The following DNAH7 variants were observed in gnomAD, a reference collection of about 807,000 sequenced individuals.
DNAH7 encodes the protein dynein axonemal heavy chain 7.
Under a neutral mutation model 444.6 loss-of-function variants are expected in DNAH7, and 397 were observed. The ratio of observed to expected loss-of-function variants is 0.89; its 90% CI spans 0.82 to 0.97. The LOEUF is 0.97. Ranked by LOEUF, DNAH7 falls within the 50% of genes least tolerant of loss-of-function variation. The pLI, the probability that DNAH7 is intolerant of heterozygous loss-of-function variation, is 0.00. For missense variants in DNAH7, 4,902 were observed against 4,800.8 expected (o/e 1.02, Z -0.62); for synonymous variants, 1,636 against 1,624.4 (o/e 1.01, Z -0.17).
At chr2:195,769,006 AAG>A (rs1464907885) in intron 61 of DNAH7, among the ~76,000 whole-genome samples, 1 of 152,182 alleles carries the variant, frequency 6.6e-6, no homozygotes, top group Non-Finnish European at 1.5e-5. Flanking sequence ...ATATTGGAAA[AAG>A]AAATGAGTTT....
intron 18 of DNAH7, among the ~76,000 whole-genome samples, chr2:195,959,231 GTC>G (rs1056380929): frequency 2.0e-5 from 3 of 152,106 alleles, no homozygotes; most frequent in African/African-American, 7.2e-5. Flanking sequence ...ATTTTCAGAT[GTC>G]TTTCTAAAAT....
intron 17 of DNAH7, among the ~76,000 whole-genome samples, chr2:195,961,688 T>C (rs915144492): frequency 2.6e-5 from 4 of 152,208 alleles, no homozygotes; most frequent in African/African-American, 9.6e-5. Context: ...CATTTACATA[T>C]ATAAAGAAAG....
intron 30 of DNAH7, chr2:195,893,387 A>G (rs932339308): frequency 6.6e-6 from 1 of 152,292 alleles, no homozygotes. Context: ...GGCAGCCGAC[A>G]CCACGCCTGG....
At chr2:195,818,951 A>G (rs1697345619) in intron 49 of DNAH7, among the ~76,000 whole-genome samples, 1 of 152,140 alleles carries the variant, frequency 6.6e-6, no homozygotes, top group Admixed American at 6.5e-5. Context: ...TTATGGATAC[A>G]TAACAGTTGT....
In DNAH7 at chr2:195,757,314, A is replaced by G. The variant is rs984921759; in HGVS notation, c.11434-1029T>C. On this transcript the variant is annotated intron_variant, in intron 61 of 64. Transcript: ENST00000312428. ...AGAAAAATTACATAAAATGCTTTGAAAAGTTAAAATGTCCTGGAATTGAAT... is the reference window on the plus strand; with the variant it reads ...AGAAAAATTACATAAAATGCTTTGAGAAGTTAAAATGTCCTGGAATTGAAT... 4.5e-4 allele frequency among the ~76,000 whole-genome samples: 69 copies of G among 152,218 alleles called. 1 individual carries two copies. The highest frequency in any genetic ancestry group is 4.6e-4 in the Admixed American group (7 of 15,276).
chr2:196,049,589 T>C (rs1005718687), intron 3 of DNAH7, among the ~76,000 whole-genome samples: 1 of 152,236 alleles, frequency 6.6e-6, no homozygotes, highest in African/African-American at 2.4e-5. Flanking sequence ...CAAATAAAAG[T>C]AGTTTTAAAA....
At chr2:195,891,929 C>T in intron 30 of DNAH7, 125 bp from the exon 31 acceptor site, 1 of 701,874 alleles carries the variant, frequency 1.4e-6, no homozygotes, top group Non-Finnish European at 2.2e-6. Context: ...GTGAATTTGA[C>T]AAGGTCCCAG....
At chr2:195,771,917 A>G in intron 60 of DNAH7, 27 bp from the exon 61 acceptor site, 1 of 1,598,472 alleles carries the variant, frequency 6.3e-7, no homozygotes. Flanking sequence ...CTATAACTCA[A>G]AAATCCTCAT....
chr2:195,875,590 A>G lies in DNAH7; in HGVS notation c.6286+85T>C, dbSNP rs1056797591. On this transcript the variant is annotated intron_variant, in intron 38 of 64. Transcript: ENST00000312428. ...ACATATACACAAAACACTGCAACTCAAAAGAGGATTTTTTTCCAGTTATTT... is the reference window on the plus strand; with the variant it reads ...ACATATACACAAAACACTGCAACTCGAAAGAGGATTTTTTTCCAGTTATTT... The G allele has an allele frequency of 2.3e-5, 31 of 1,334,730 alleles. No homozygotes were observed. In the African/African-American group the frequency reaches 4.4e-4, roughly 19 times the overall value. 82.7% of individuals were successfully genotyped at this position (1,334,730 alleles called of 1,614,324 possible). A position where few individuals can be genotyped will look rare whatever the true frequency, so the allele number is the denominator to read the frequency against.
At chr2:195,989,964 T>C (rs765158035) in intron 12 of DNAH7, among the ~76,000 whole-genome samples, 58 of 152,218 alleles carry the variant, frequency 3.8e-4, no homozygotes, top group Non-Finnish European at 6.6e-4. Flanking sequence ...GTCTCAGGTA[T>C]CTCTTTATAG....
At chr2:195,835,299 A>AC (rs1698291103) in intron 47 of DNAH7, among the ~76,000 whole-genome samples, 1 of 151,814 alleles carries the variant, frequency 6.6e-6, no homozygotes, top group South Asian at 2.1e-4. Flanking sequence ...GTAAAAAAAA[A>AC]CCCACAAAAA....
chr2:195,954,878 T>G (rs1272775564), intron 19 of DNAH7, among the ~76,000 whole-genome samples: 3 of 152,196 alleles, frequency 2.0e-5, no homozygotes, highest in South Asian at 2.1e-4. Context: ...TGGGGTTGTT[T>G]TTTTCTTGTA....
At chr2:195,882,438 T>C (rs1226694841) in intron 35 of DNAH7, among the ~76,000 whole-genome samples, 2 of 152,182 alleles carry the variant, frequency 1.3e-5, no homozygotes, top group Middle Eastern at 3.2e-3. Context: ...TAGCTTATCA[T>C]TGCAGGCAAA....
chr2:195,898,290 T>C (rs932426072), intron 28 of DNAH7, among the ~76,000 whole-genome samples: 1 of 152,222 alleles, frequency 6.6e-6, no homozygotes, highest in Non-Finnish European at 1.5e-5. Flanking sequence ...CTATTCTATC[T>C]TGTTGTGTTC....
rs760132966 is a variant in DNAH7 at position 195,740,827 on chromosome 2, T to C, written c.11807A>G (p.Asn3936Ser). ...TTCTGCAAGTTTCTTGATCTTTCTA[T>C]TCCAGGAAGCTCCATCCAGAAATAA... ...HGLFLDGASW[N>S]RKIKKLAESH... is the part of the protein sequence containing the mutation. The change falls in exon 64 of 65, where the codon AAT becomes AGT. Residue 3936 changes from asparagine to serine, a missense_variant. Physicochemically the swap from Asn to Ser is conservative, Grantham distance 46 (BLOSUM62 1). Transcript: ENST00000312428. 3 of 1,570,102 alleles carry C rather than the reference T, an allele frequency of 1.9e-6. No individual in the cohort carries two copies. The highest frequency in any genetic ancestry group is 2.6e-6 in the Non-Finnish European group (3 of 1,156,724).
chr2:195,768,844 A>C (rs898678664), intron 61 of DNAH7, among the ~76,000 whole-genome samples: 2 of 152,138 alleles, frequency 1.3e-5, no homozygotes, highest in Admixed American at 6.5e-5. Flanking sequence ...TCGTTTGCTA[A>C]ATTTATTGTC....
At chr2:195,962,053 G>A (rs941664651) in intron 17 of DNAH7, among the ~76,000 whole-genome samples, 5 of 152,104 alleles carry the variant, frequency 3.3e-5, no homozygotes, top group Admixed American at 2.6e-4. Context: ...AATGAAACTC[G>A]AGTTCAGTCT....
chr2:195,802,938 A>G (rs1696544735), intron 54 of DNAH7, among the ~76,000 whole-genome samples: 1 of 152,202 alleles, frequency 6.6e-6, no homozygotes, highest in South Asian at 2.1e-4. Context: ...TCTCACTTAT[A>G]AGTGACAACA....
intron 17 of DNAH7, 87 bp from the exon 18 acceptor site, chr2:195,961,032 T>C: frequency 1.7e-6 from 2 of 1,167,964 alleles, no homozygotes; most frequent in Non-Finnish European, 2.2e-6. Context: ...ATTTCAAATG[T>C]GAGCCAAAAA....
Sources: allele counts gnomAD v4.1 joint callset (sites outside exome capture counted in the v4.1 genomes callset), GRCh38; gene constraint gnomAD v4.1.1; transcripts MANE v1.5; gene names NCBI Gene and HGNC (gene_info 2026-07-23, HGNC 2026-07-21).